The following PELP1 variants were observed in gnomAD, a reference collection of about 807,000 sequenced individuals.
PELP1 encodes the protein proline, glutamate and leucine rich protein 1.
PELP1 carries 32 observed loss-of-function variants against 95.5 expected under a neutral mutation model. The observed-to-expected ratio is 0.34, with a 90% CI of 0.25 to 0.45. PELP1 has a LOEUF of 0.45. Among genes scored for constraint, PELP1 ranks in the 20% least tolerant of loss-of-function variants. The pLI is 1.00. For missense variants in PELP1, 1,358 were observed against 1,444.8 expected (o/e 0.94, Z 0.97); for synonymous variants, 668 against 600.1 (o/e 1.11, Z -1.65).
chr17:4,690,949 G>A lies in PELP1; in HGVS notation c.359C>T (p.Pro120Leu). 6.2e-7 allele frequency: 1 copy of A among 1,613,842 alleles called. No individual in the cohort carries two copies. Among genetic ancestry groups the A allele is most frequent in the African/African-American group, 1.3e-5 (1 of 75,030 alleles). ...CLLSLLVGES[P>L]TELFQQHCVS... ...ACAGTGCTGCTGGAATAGCTCTGTG[G>A]GGCTCTCCCCTACCAGCAGGGACAG... The change falls in exon 3 of 17, where the codon CCC (proline) becomes CTC (leucine). Residue 120 changes from proline (P) to leucine (L), a missense_variant. Pro to Leu is a moderately conservative substitution (Grantham distance 98, BLOSUM62 -3). Around this residue, in one of 7 missense-constraint regions of PELP1, gnomAD observed 538 missense variants for 628.1 expected, o/e 0.86. Coordinates refer to ENST00000572293, the MANE Select transcript of PELP1 (RefSeq NM_014389.3).
intron 5 of PELP1, among the ~76,000 whole-genome samples, chr17:4,679,393 G>A (rs757615408): frequency 3.3e-5 from 5 of 152,150 alleles, no homozygotes; most frequent in Non-Finnish European, 7.4e-5. Context: ...GAGAATTACA[G>A]ATAAATTCTC....
At chr17:4,696,576 A>G (rs1424450977) in intron 1 of PELP1, 1 of 152,210 alleles carries the variant, frequency 6.6e-6, no homozygotes, top group Non-Finnish European at 1.5e-5. Context: ...GAGTGACAAT[A>G]TCTGACTTCT....
rs982074254 is a variant in PELP1, at chr17:4,671,352, G to T, written c.*87C>A. On this transcript the variant is annotated 3_prime_UTR_variant, in exon 17 of 17. Coordinates refer to ENST00000572293, the MANE Select transcript of PELP1 (RefSeq NM_014389.3). ...GCAGACACTTGAGCTTCTGGCTGGGGACCCAGGTGTGGCAAAAGGCAGAAG... is the reference window on the plus strand; with the variant it reads ...GCAGACACTTGAGCTTCTGGCTGGGTACCCAGGTGTGGCAAAAGGCAGAAG... 3 of 775,990 alleles carry T rather than the reference G, an allele frequency of 3.9e-6. No individual in the cohort carries two copies. Among genetic ancestry groups the T allele is most frequent in the African/African-American group, 3.4e-5 (2 of 58,788 alleles). The allele number at this position is 775,990 out of a possible 1,614,324, so 48.1% of individuals were successfully genotyped here. A position where few individuals can be genotyped will look rare whatever the true frequency, so the allele number is the denominator to read the frequency against.
chr17:4,680,416 T>C (rs1912644961), intron 5 of PELP1, among the ~76,000 whole-genome samples: 1 of 152,194 alleles, frequency 6.6e-6, no homozygotes, highest in South Asian at 2.1e-4. Flanking sequence ...TAACTGGGAC[T>C]ACAGGCACAC....
At chr17:4,679,553 A>C (rs1007346849) in intron 5 of PELP1, among the ~76,000 whole-genome samples, 2 of 152,226 alleles carry the variant, frequency 1.3e-5, no homozygotes, top group Non-Finnish European at 2.9e-5. Context: ...GATAAAGATA[A>C]TACCTAACAG....
Position 4,671,837 on chromosome 17 carries a change from C to T in PELP1, c.3154G>A (p.Glu1052Lys). Residue 1052 changes from glutamate (E) to lysine (K), a missense_variant, in exon 16 of 17, where the codon GAG becomes AAG. Physicochemically the swap from Glu to Lys is moderately conservative, Grantham distance 56. Coordinates refer to ENST00000572293, the MANE Select transcript of PELP1 (RefSeq NM_014389.3). ...ESPAAGPPPQ[E>K]LVEEEPSAPP... ...GCAGAGGGCTCTTCTTCAACAAGCT[C>T]CTGGGGAGGGGGCCCTGCCGCAGGG... 1 of 1,513,882 alleles carries T rather than the reference C, an allele frequency of 6.6e-7. No individual in the cohort carries two copies. Among genetic ancestry groups the T allele is most frequent in the Non-Finnish European group, 8.8e-7 (1 of 1,135,454 alleles). 93.8% of individuals were successfully genotyped at this position (1,513,882 alleles called of 1,614,324 possible).
In PELP1 at chr17:4,683,531, C is replaced by CTTTTTTTTTTTT. The variant is rs59870828; in HGVS notation, c.421-591_421-580dup. On this transcript the variant is annotated intron_variant, in intron 3 of 16. Coordinates refer to ENST00000572293, the MANE Select transcript of PELP1 (RefSeq NM_014389.3). ...ATCACGCCCAGCTGAGTTTTCTTTT[C>CTTTTTTTTTTTT]TTTTTTTTTTTTTTTTTGAGACAGA... Among the ~76,000 whole-genome samples, 9 of 96,562 alleles carry CTTTTTTTTTTTT rather than the reference C, an allele frequency of 9.3e-5. 1 individual carries two copies. Among genetic ancestry groups the CTTTTTTTTTTTT allele is most frequent in the African/African-American group, 1.5e-4 (4 of 26,042 alleles). 63.3% of individuals were successfully genotyped at this position (96,562 alleles called of 152,430 possible).
Position 4,703,903 on chromosome 17 carries a change from A to T in PELP1, c.209T>A (p.Met70Lys). 1 of 1,613,400 alleles carries T rather than the reference A, an allele frequency of 6.2e-7. No individual in the cohort carries two copies. The highest frequency in any genetic ancestry group is 8.5e-7 in the Non-Finnish European group (1 of 1,179,712). The change falls in exon 1 of 17, where the codon ATG becomes AAG. Residue 70 changes from methionine to lysine, a missense_variant. By Grantham distance (95) the Met-to-Lys change is moderately conservative. Around this residue, in one of 7 missense-constraint regions of PELP1, gnomAD observed 169 missense variants for 134.9 expected, o/e 1.25. Coordinates refer to ENST00000572293, the MANE Select transcript of PELP1 (RefSeq NM_014389.3). ...NRSAPHLPGL[M>K]CLLRLHGSVG... The stretch of plus-strand genomic sequence containing the variant: ...CGACCCATGCAGCCGCAATAGGCAC[A>T]TGAGCCCGGGCAAATGTGGGGCCGA...
In PELP1 at chr17:4,672,777, G is replaced by A. The variant is rs779885967; in HGVS notation, c.2214C>T (p.Pro738=). The A allele has an allele frequency of 1.9e-5, 31 of 1,613,694 alleles. No individual in the cohort carries two copies. The South Asian group carries it at 3.0e-4, about 15-fold the overall frequency. Residue 738 remains proline, a synonymous_variant, in exon 16 of 17, where the codon CCC becomes CCT. Coordinates refer to ENST00000572293, the MANE Select transcript of PELP1 (RefSeq NM_014389.3). ...GGGGAGTCCCACTAGGGGCAAGGATGGGGTCCTCATTTGAGCCTGCCCGGT... is the reference window on the plus strand; with the variant it reads ...GGGGAGTCCCACTAGGGGCAAGGATAGGGTCCTCATTTGAGCCTGCCCGGT... ...ENHRAGSNED[P]ILAPSGTPPP...
rs1912303002 is a variant in PELP1 at position 4,673,055 on chromosome 17, G to A, written c.1936C>T (p.Pro646Ser). Residue 646 changes from proline to serine, a missense_variant, in exon 16 of 17, where the codon CCC (proline) becomes TCC (serine). By Grantham distance (74) the Pro-to-Ser change is moderately conservative (BLOSUM62 -1). This residue lies in a region of PELP1 where 340 missense variants were observed against 322.9 expected (regional missense o/e 1.05). Transcript: ENST00000572293. The surrounding 1 kb of genome is among the most constrained non-coding windows in gnomAD (Gnocchi z 5.7). The stretch of plus-strand genomic sequence containing the variant: ...GGAGGGGGAACTGGAGCAGGTGTGG[G>A]GCAGGTGGGGCCCATGGGCTGCAGG... ...PPLQPMGPTC[P>S]TPAPVPPPEA... 2 of 1,530,220 alleles carry A rather than the reference G, an allele frequency of 1.3e-6. No individual in the cohort carries two copies. Among genetic ancestry groups the A allele is most frequent in the Non-Finnish European group, 1.8e-6 (2 of 1,141,732 alleles). The allele number at this position is 1,530,220 out of a possible 1,614,324, so 94.8% of individuals were successfully genotyped here. A position where few individuals can be genotyped will look rare whatever the true frequency, so the allele number is the denominator to read the frequency against.
intron 3 of PELP1, among the ~76,000 whole-genome samples, chr17:4,688,434 C>G (rs1265954245): frequency 6.6e-6 from 1 of 151,912 alleles, no homozygotes; most frequent in Non-Finnish European, 1.5e-5. Flanking sequence ...TGATCATATA[C>G]CTAGAACACC....
chr17:4,682,242 A>G (rs1028559697), intron 5 of PELP1, among the ~76,000 whole-genome samples: 3 of 152,206 alleles, frequency 2.0e-5, no homozygotes, highest in Admixed American at 6.5e-5. Flanking sequence ...GAAGGAGCCC[A>G]TGGTTCAGAG....
At chr17:4,681,123 G>A (rs1912668432) in intron 5 of PELP1, among the ~76,000 whole-genome samples, 2 of 152,162 alleles carry the variant, frequency 1.3e-5, no homozygotes, top group Non-Finnish European at 2.9e-5. Flanking sequence ...AGAAGTGTTA[G>A]GGCAATTGTC....
chr17:4,674,576 C>T lies in PELP1; in HGVS notation c.1516G>A (p.Ala506Thr). Residue 506 changes from alanine to threonine, a missense_variant, in exon 13 of 17, where the codon GCC becomes ACC. Ala to Thr is a moderately conservative substitution (Grantham distance 58). Around this residue, in one of 7 missense-constraint regions of PELP1, gnomAD observed 538 missense variants for 628.1 expected, o/e 0.86. Transcript: ENST00000572293. ...TCCCCTTTCCGGTGGCTTGGCGGGGCCATAGCTTCCCCCACATCCAGCTTT... is the reference window on the plus strand; with the variant it reads ...TCCCCTTTCCGGTGGCTTGGCGGGGTCATAGCTTCCCCCACATCCAGCTTT... ...KLKLDVGEAM[A>T]PPSHRKGDSN... The T allele has an allele frequency of 6.2e-7, 1 of 1,611,968 alleles. No homozygotes were observed. The highest frequency in any genetic ancestry group is 8.5e-7 in the Non-Finnish European group (1 of 1,179,272).
intron 3 of PELP1, among the ~76,000 whole-genome samples, chr17:4,688,383 C>T (rs1009366353): frequency 6.6e-6 from 1 of 151,816 alleles, no homozygotes; most frequent in South Asian, 2.1e-4. Context: ...ACATCTAAAT[C>T]GGTAAAGGGG....
Position 4,675,526 on chromosome 17 carries a change from C to T in PELP1, c.1069-164G>A, listed in dbSNP as rs770112648. On this transcript the variant is annotated intron_variant, in intron 9 of 16. Coordinates refer to ENST00000572293, the MANE Select transcript of PELP1 (RefSeq NM_014389.3). This position sits in a 1 kb window ranked among gnomAD's most constrained non-coding sequence, Gnocchi z 4.3. ...CAAACCCCTATCCTCTAAAATAGAC[C>T]CTGGATGGAAGGTAAGAAGGATGGC... 7.0e-6 allele frequency: 5 copies of T among 712,774 alleles called. No individual in the cohort carries two copies. Among genetic ancestry groups the T allele is most frequent in the Non-Finnish European group, 2.5e-6 (1 of 393,970 alleles). 44.2% of individuals were successfully genotyped at this position (712,774 alleles called of 1,614,324 possible).
In PELP1 at chr17:4,671,455, G is replaced by A; in HGVS notation, c.3377C>T (p.Thr1126Ile). The A allele has an allele frequency of 6.5e-7, 1 of 1,546,952 alleles. No homozygotes were observed. Among genetic ancestry groups the A allele is most frequent in the Non-Finnish European group, 8.9e-7 (1 of 1,118,750 alleles). Reference protein sequence around the residue: ...PPDDEKPPPPTEPDS With the variant: ...PPDDEKPPPPIEPDS ...AGAAGATGGCTAGGAGTCAGGCTCTGTGGGAGGTGGTGGCTTCTCATCATC... is the reference window on the plus strand; with the variant it reads ...AGAAGATGGCTAGGAGTCAGGCTCTATGGGAGGTGGTGGCTTCTCATCATC... Residue 1126 changes from threonine (T) to isoleucine (I), a missense_variant, in exon 17 of 17, where the codon ACA (threonine) becomes ATA (isoleucine). Thr to Ile is a moderately conservative substitution (Grantham distance 89). Transcript: ENST00000572293.
At chr17:4,682,672 C>CTT in intron 4 of PELP1, 99 bp from the exon 5 acceptor site, 1 of 1,448,594 alleles carries the variant, frequency 6.9e-7, no homozygotes, top group Non-Finnish European at 9.6e-7. Context: ...CCAGAAATCA[C>CTT]TTTTTCTTGG....
At chr17:4,700,410 C>T (rs117346613) in intron 1 of PELP1, among the ~76,000 whole-genome samples, 1,875 of 151,910 alleles carry the variant, frequency 0.012, 11 homozygotes, top group Middle Eastern at 0.058. Context: ...TTTGGGAGGT[C>T]GAGTGGGGAG....
Sources: gnomAD v4.1 joint callset for allele counts (sites outside exome capture counted in the v4.1 genomes callset) on GRCh38, gnomAD v4.1.1 for gene constraint, gnomAD v4.1.1 regional missense constraint, Gnocchi (gnomAD v3.1) non-coding constraint, MANE v1.5 for transcripts, NCBI Gene and HGNC (gene_info 2026-07-23, HGNC 2026-07-21) for gene names.